ATXN1: variants seen among roughly 807,000 people sequenced by gnomAD.
ATXN1 encodes ataxin 1, also known as ataxin-1.
A neutral mutation model predicts 56.4 loss-of-function variants in ATXN1; 8 were observed. The ratio of observed to expected loss-of-function variants is 0.14; its 90% confidence interval spans 0.08 to 0.26. ATXN1 has a LOEUF of 0.26. ATXN1 is among the 10% of genes least tolerant of loss of function. The pLI is 1.00. For missense variants in ATXN1, 987 were observed against 1,106.5 expected (o/e 0.89, Z 1.53); for synonymous variants, 514 against 494.6 (o/e 1.04, Z -0.52).
At chr6:16,564,955 C>T (rs762033073) in intron 4 of ATXN1, among the ~76,000 whole-genome samples, 5 of 152,134 alleles carry the variant, frequency 3.3e-5, no homozygotes, top group Admixed American at 1.3e-4. Context: ...ATACTGTACA[C>T]GGAATACAGA....
intron 4 of ATXN1, among the ~76,000 whole-genome samples, chr6:16,584,241 TATACACAC>T (rs1281624522): frequency 5.8e-5 from 7 of 121,290 alleles, no homozygotes; most frequent in South Asian, 2.5e-4. Flanking sequence ...TATATATATA[TATACACAC>T]ACACACACAC....
chr6:16,346,972 C>T (rs1297397561), intron 6 of ATXN1, among the ~76,000 whole-genome samples: 1 of 152,158 alleles, frequency 6.6e-6, no homozygotes, highest in East Asian at 1.9e-4. Flanking sequence ...GCCCCGCACT[C>T]GGAGCAGCGG....
chr6:16,685,500 C>A (rs1758899418), intron 2 of ATXN1, among the ~76,000 whole-genome samples: 2 of 152,188 alleles, frequency 1.3e-5, no homozygotes, highest in Admixed American at 1.3e-4. Context: ...ACCCACACCA[C>A]ACGCACACAA....
In ATXN1 at chr6:16,327,375, G is replaced by C. The variant is rs1447804967; in HGVS notation, c.936C>G (p.Ser312Arg). Residue 312 changes from serine to arginine, a missense_variant, in exon 7 of 8, where the codon AGC becomes AGG. Ser to Arg is a moderately radical substitution (Grantham distance 110). This residue lies in a region of ATXN1 where 723 missense variants were observed against 791.7 expected (regional missense o/e 0.91). Coordinates refer to ENST00000436367, the MANE Select transcript of ATXN1 (RefSeq NM_001128164.2). Reference protein sequence around the residue: ...PREATKKAESSRLQQAIQAKE... With the variant: ...PREATKKAESRRLQQAIQAKE... ...TGGCCTGGATGGCCTGCTGCAGCCG[G>C]CTGCTCTCAGCTTTCTTGGTGGCCT... 8 of 1,613,470 alleles carry C rather than the reference G, an allele frequency of 5.0e-6. No homozygotes were observed. Among genetic ancestry groups the C allele is most frequent in the Non-Finnish European group, 6.8e-6 (8 of 1,179,978 alleles).
chr6:16,472,319 A>C lies in ATXN1; in HGVS notation c.-161+13653T>G, dbSNP rs116490162. 6.3e-3 allele frequency among the ~76,000 whole-genome samples: 966 copies of C among 152,362 alleles called. 2 individuals carry two copies. Among genetic ancestry groups the C allele is most frequent in the Middle Eastern group, 0.014 (4 of 294 alleles). ...TTCATGTAAGGTCATGTGTTTGTAC[A>C]GCACAAAACATGGAATTGGGTATCT... On this transcript the variant is annotated intron_variant, in intron 6 of 7. Coordinates refer to ENST00000436367, the MANE Select transcript of ATXN1 (RefSeq NM_001128164.2).
chr6:16,319,913 T>TAGTTTCTCTGTTGGAGCCTTTC (rs1760607419), intron 7 of ATXN1, among the ~76,000 whole-genome samples: 1 of 151,716 alleles, frequency 6.6e-6, no homozygotes, highest in African/African-American at 2.4e-5. Context: ...TGGTTTGACA[T>TAGTTTCTCTGTTGGAGCCTTTC]AGTTTCTCTG....
intron 2 of ATXN1, among the ~76,000 whole-genome samples, chr6:16,744,558 G>T (rs1404867846): frequency 6.6e-6 from 1 of 152,124 alleles, no homozygotes; most frequent in African/African-American, 2.4e-5. Flanking sequence ...GTTGAGAACT[G>T]GGCAGAGAGG....
intron 4 of ATXN1, among the ~76,000 whole-genome samples, chr6:16,530,986 T>G (rs1328862009): frequency 1.3e-5 from 2 of 152,238 alleles, no homozygotes; most frequent in Non-Finnish European, 2.9e-5. Context: ...TACACCTTAA[T>G]AAGTCCTCTA....
At chr6:16,490,921 G>A (rs781549032) in intron 5 of ATXN1, among the ~76,000 whole-genome samples, 13 of 152,078 alleles carry the variant, frequency 8.5e-5, no homozygotes, top group Non-Finnish European at 1.5e-4. Flanking sequence ...GTGAGACCAC[G>A]GGAGCATGAT....
intron 6 of ATXN1, among the ~76,000 whole-genome samples, chr6:16,337,319 T>G (rs1289125557): frequency 6.6e-6 from 1 of 152,186 alleles, no homozygotes; most frequent in Non-Finnish European, 1.5e-5. Context: ...GCCATGTGGC[T>G]GGGGTCCCCC....
chr6:16,454,151 A>C (rs1759819143), intron 6 of ATXN1, among the ~76,000 whole-genome samples: 2 of 140,884 alleles, frequency 1.4e-5, no homozygotes, highest in Admixed American at 1.4e-4. Context: ...AAAAAAAAAA[A>C]AAACAGAAGA....
chr6:16,615,970 T>G (rs1763200598), intron 3 of ATXN1: 1 of 151,454 alleles, frequency 6.6e-6, no homozygotes, highest in Admixed American at 6.6e-5. Flanking sequence ...GAGGCAGAGG[T>G]TGCAATGAGC....
At chr6:16,656,628 C>T (rs1347546940) in intron 3 of ATXN1, among the ~76,000 whole-genome samples, 1 of 152,168 alleles carries the variant, frequency 6.6e-6, no homozygotes, top group Non-Finnish European at 1.5e-5. Flanking sequence ...CCCATGTATA[C>T]TTAAAAGTTA....
chr6:16,531,939 A>G (rs1761512792), intron 4 of ATXN1, among the ~76,000 whole-genome samples: 1 of 152,240 alleles, frequency 6.6e-6, no homozygotes, highest in Non-Finnish European at 1.5e-5. Context: ...TTAAACACCT[A>G]GAACAGCCAA....
At chr6:16,637,523 A>G (rs1016143177) in intron 3 of ATXN1, among the ~76,000 whole-genome samples, 3 of 152,086 alleles carry the variant, frequency 2.0e-5, no homozygotes, top group South Asian at 2.1e-4. Flanking sequence ...AAATAAAAAA[A>G]GAAAAAGGAA....
Position 16,754,479 on chromosome 6 carries a change from A to G in ATXN1, c.-729-1132T>C, listed in dbSNP as rs147062702. Among the ~76,000 whole-genome samples the G allele has an allele frequency of 2.5e-3, 382 of 152,326 alleles. 2 individuals are homozygous for G. Among genetic ancestry groups the G allele is most frequent in the Non-Finnish European group, 4.2e-3 (284 of 68,022 alleles). On this transcript the variant is annotated intron_variant, in intron 1 of 7. Transcript: ENST00000436367. ...TAATCCGTAAACAGGTAAGTGAGCC[A>G]ATTATCCTTGGGTACATGGCAACAC...
At chr6:16,348,103 G>A (rs1218067262) in intron 6 of ATXN1, among the ~76,000 whole-genome samples, 1 of 152,208 alleles carries the variant, frequency 6.6e-6, no homozygotes, top group Non-Finnish European at 1.5e-5. Context: ...GTGAGACCAA[G>A]AACGCACCTA....
intron 6 of ATXN1, among the ~76,000 whole-genome samples, chr6:16,333,996 A>T (rs1761053977): frequency 6.6e-6 from 1 of 152,176 alleles, no homozygotes; most frequent in South Asian, 2.1e-4. Flanking sequence ...CCCAAAGTGG[A>T]TCACACATTC....
intron 4 of ATXN1, among the ~76,000 whole-genome samples, chr6:16,555,959 G>C (rs974758633): frequency 6.6e-6 from 1 of 152,140 alleles, no homozygotes; most frequent in African/African-American, 2.4e-5. Context: ...TACCTCTCTA[G>C]TTTGGCTTTC....
Sources: allele counts gnomAD v4.1 joint callset (sites outside exome capture counted in the v4.1 genomes callset), GRCh38; gene constraint gnomAD v4.1.1; regional missense constraint gnomAD v4.1.1; transcripts MANE v1.5; gene names NCBI Gene and HGNC (gene_info 2026-07-23, HGNC 2026-07-21).